Variants in SNX30 observed in about 807,000 individuals in gnomAD.
The protein encoded by SNX30 is sorting nexin-30.
Under a neutral mutation model 46.4 loss-of-function variants are expected in SNX30, and 24 were observed. The ratio of observed to expected loss-of-function variants is 0.52; its 90% CI spans 0.37 to 0.73. The LOEUF is 0.73. Among genes scored for constraint, SNX30 ranks in the 30% least tolerant of loss-of-function variants. The probability of loss-of-function intolerance (pLI) is 0.00; values close to 1 mark genes in which losing one functional copy is unlikely to be tolerated. For synonymous variants in SNX30, 189 were observed against 211.5 expected (o/e 0.89, Z 0.92); for missense variants, 533 against 555.7 (o/e 0.96, Z 0.41).
chr9:112,774,733 A>C (rs1839711198), intron 1 of SNX30, among the ~76,000 whole-genome samples: 1 of 152,134 alleles, frequency 6.6e-6, no homozygotes, highest in African/African-American at 2.4e-5. Context: ...TTTCACATGC[A>C]AATTGGCTAT....
chr9:112,758,221 C>G (rs767542864), intron 1 of SNX30, among the ~76,000 whole-genome samples: 1 of 152,186 alleles, frequency 6.6e-6, no homozygotes, highest in East Asian at 1.9e-4. Context: ...TGCCACCCCC[C>G]ATCCTCTTGG....
intron 8 of SNX30, among the ~76,000 whole-genome samples, chr9:112,867,347 T>C (rs369741938): frequency 0.023 from 1,129 of 49,588 alleles, no homozygotes; most frequent in African/African-American, 0.027. Context: ...CTCAGAACTC[T>C]TCCCACCTCC....
At chr9:112,830,973 CA>C in intron 4 of SNX30, 90 bp downstream of exon 4, 1 of 1,361,050 alleles carries the variant, frequency 7.3e-7, no homozygotes, top group Non-Finnish European at 9.9e-7. Context: ...TCGGTCTCTA[CA>C]AAAACTTTTA....
In SNX30 at chr9:112,767,629, G is replaced by A. The variant is rs534902270; in HGVS notation, c.156+16472G>A. Among the ~76,000 whole-genome samples, 26 of 151,762 alleles carry A rather than the reference G, an allele frequency of 1.7e-4. No individual in the cohort carries two copies. The South Asian group carries it at 4.4e-3, about 26-fold the overall frequency. On this transcript the variant is annotated intron_variant, in intron 1 of 8. Coordinates refer to ENST00000374232, the MANE Select transcript of SNX30 (RefSeq NM_001012994.2). Reference sequence around the variant, plus strand: ...TTTTGAGACAGAGTCTCACTCTGTCGCCCAGGCTGGAGTGCAGTGATGCGA... The same window carrying A: ...TTTTGAGACAGAGTCTCACTCTGTCACCCAGGCTGGAGTGCAGTGATGCGA...
chr9:112,807,249 A>G (rs1840243336), intron 2 of SNX30, among the ~76,000 whole-genome samples: 1 of 151,642 alleles, frequency 6.6e-6, no homozygotes, highest in African/African-American at 2.4e-5. Flanking sequence ...TATTTTTAGT[A>G]GAGATGAGGT....
intron 3 of SNX30, among the ~76,000 whole-genome samples, chr9:112,818,155 GCA>G (rs903954045): frequency 1.3e-5 from 2 of 150,926 alleles, no homozygotes; most frequent in African/African-American, 4.9e-5. Context: ...GCTTCCATCT[GCA>G]CAGTTTTTAA....
chr9:112,773,421 G>C (rs542343166), intron 1 of SNX30, among the ~76,000 whole-genome samples: 4 of 151,390 alleles, frequency 2.6e-5, no homozygotes, highest in African/African-American at 9.7e-5. Flanking sequence ...ATAGGATCTC[G>C]CTTTGTCATT....
rs948969168 is a variant in SNX30, at chr9:112,874,627, T to A, written c.*5784T>A. 7.9e-5 allele frequency: 12 copies of A among 152,194 alleles called. No homozygotes were observed. The highest frequency in any genetic ancestry group is 1.3e-4 in the Admixed American group (2 of 15,272). 9.4% of individuals were successfully genotyped at this position (152,194 alleles called of 1,614,324 possible). ...AAAACAAAAGCTGTGATAAAAAAAG[T>A]GCTTGAGAGAGTGTGTTGATAAGAA... is the stretch of plus-strand genomic sequence containing the variant. On this transcript the variant is annotated 3_prime_UTR_variant, in exon 9 of 9. Transcript: ENST00000374232.
chr9:112,760,472 C>A (rs1327643912), intron 1 of SNX30, among the ~76,000 whole-genome samples: 1 of 152,122 alleles, frequency 6.6e-6, no homozygotes, highest in Non-Finnish European at 1.5e-5. Context: ...GCAGTCTTTC[C>A]TGAGATTTAT....
chr9:112,880,045 TG>T, exon 5 of SNX30: 1 of 433,956 alleles, frequency 2.3e-6, no homozygotes, highest in Non-Finnish European at 4.2e-6. Flanking sequence ...ATAGAATCTC[TG>T]GGGGCCAGGC....
chr9:112,839,369 C>G (rs10817393), intron 6 of SNX30, among the ~76,000 whole-genome samples: 1 of 152,008 alleles, frequency 6.6e-6, no homozygotes, highest in African/African-American at 2.4e-5. Flanking sequence ...AAAAGTGATA[C>G]GAATTTGAAA....
In SNX30 at chr9:112,804,899, A is replaced by G. The variant is rs367748325; in HGVS notation, c.280A>G (p.Ile94Val). 3.4e-5 allele frequency: 55 copies of G among 1,613,766 alleles called. No individual in the cohort carries two copies. The highest frequency in any genetic ancestry group is 4.2e-5 in the Non-Finnish European group (49 of 1,179,898). ...IDGETRDLFVIVDDPKKHVCT... is the reference protein window; with the variant it reads ...IDGETRDLFVVVDDPKKHVCT... Reference sequence around the variant, plus strand: ...TGGTGAGACTAGAGATCTCTTCGTTATAGTTGATGATCCCAAGAAGCATGT... The same window carrying G: ...TGGTGAGACTAGAGATCTCTTCGTTGTAGTTGATGATCCCAAGAAGCATGT... Residue 94 changes from isoleucine to valine, a missense_variant, in exon 2 of 9, where the codon ATA becomes GTA. Transcript: ENST00000374232.
chr9:112,834,850 ACACACACACACACAC>A, intron 4 of SNX30, among the ~76,000 whole-genome samples: 1 of 63,154 alleles, frequency 1.6e-5, no homozygotes, highest in South Asian at 6.7e-4. Context: ...ACAAACACAC[ACACACACACACACAC>A]ACACACACAC....
At chr9:112,838,400 G>A (rs1186631457) in intron 5 of SNX30, 98 bp from the exon 6 acceptor site, 3 of 992,618 alleles carry the variant, frequency 3.0e-6, no homozygotes, top group South Asian at 1.6e-5. Context: ...AGAAACACAT[G>A]TTCATGTAGA....
rs1365697564 is a variant in SNX30 at position 112,838,493 on chromosome 9, T to A, written c.815-5T>A. The stretch of plus-strand genomic sequence containing the variant: ...GATTTTAATTAGTTTCTGTTCCCTG[T>A]TCAGAGTACCTTGTGGAGCTGAGAG... On this transcript the variant is annotated splice_polypyrimidine_tract_variant and splice_region_variant and intron_variant, in intron 5 of 8. Coordinates refer to ENST00000374232, the MANE Select transcript of SNX30 (RefSeq NM_001012994.2). 1 of 1,606,822 alleles carries A rather than the reference T, an allele frequency of 6.2e-7. No individual in the cohort carries two copies. Among genetic ancestry groups the A allele is most frequent in the East Asian group, 2.2e-5 (1 of 44,742 alleles).
downstream of SNX30, among the ~76,000 whole-genome samples, chr9:112,883,115 C>G (rs772668183): frequency 3.3e-5 from 5 of 152,152 alleles, no homozygotes; most frequent in Non-Finnish European, 7.4e-5. Context: ...GAGAGCAGCT[C>G]TGGTGGAGTT....
chr9:112,826,351 A>G (rs1472833380), intron 3 of SNX30, among the ~76,000 whole-genome samples: 2 of 152,202 alleles, frequency 1.3e-5, no homozygotes, highest in African/African-American at 4.8e-5. Context: ...TGAGAAATCA[A>G]TGGGATACAG....
At chr9:112,808,048 A>G (rs963324607) in intron 2 of SNX30, among the ~76,000 whole-genome samples, 1 of 152,122 alleles carries the variant, frequency 6.6e-6, no homozygotes, top group African/African-American at 2.4e-5. Flanking sequence ...CCTGTTTCTA[A>G]TAGTGACACC....
chr9:112,830,222 G>A (rs1014278833), intron 3 of SNX30, among the ~76,000 whole-genome samples: 2 of 152,060 alleles, frequency 1.3e-5, no homozygotes, highest in East Asian at 3.9e-4. Context: ...CAAAAAATTG[G>A]CCTATAAAAG....
Sources: gnomAD v4.1 joint callset for allele counts (sites outside exome capture counted in the v4.1 genomes callset) on GRCh38, gnomAD v4.1.1 for gene constraint, MANE v1.5 for transcripts, NCBI Gene and HGNC (gene_info 2026-07-23, HGNC 2026-07-21) for gene names.